HDX: variants seen among roughly 807,000 people sequenced by gnomAD.
HDX encodes the protein highly divergent homeobox.
A neutral mutation model predicts 45.2 loss-of-function variants in HDX; 19 were observed. The observed-to-expected ratio is 0.42, with a 90% CI of 0.29 to 0.62. HDX has a LOEUF of 0.62. Among genes scored for constraint, HDX ranks in the 20% least tolerant of loss-of-function variants. The pLI is 0.20. For synonymous variants in HDX, 188 were observed against 172.8 expected, an observed-to-expected ratio of 1.09 and a Z score of -0.69; for missense variants, 532 against 493.9, an observed-to-expected ratio of 1.08 and a Z score of -0.73.
chrX:84,484,657 T>G (rs5968337), intron 2 of HDX, among the ~76,000 whole-genome samples: 2,947 of 111,925 alleles, frequency 0.026, 71 homozygotes, highest in African/African-American at 0.085. Context: ...CATGTAAGTG[T>G]CTCATTTTCT....
At chrX:84,398,607 A>G (rs1774422177) in intron 5 of HDX, among the ~76,000 whole-genome samples, 1 of 112,024 alleles carries the variant, frequency 8.9e-6, no homozygotes, top group South Asian at 3.7e-4. Context: ...TTAGACTCTC[A>G]CACAATAATA....
chrX:84,377,844 G>C (rs1428755957), intron 5 of HDX, among the ~76,000 whole-genome samples: 2 of 110,913 alleles, frequency 1.8e-5, no homozygotes, highest in Non-Finnish European at 3.8e-5. Context: ...TTATTCAAAG[G>C]GATAATATCA....
chrX:84,365,149 A>G (rs1369307129), intron 5 of HDX, among the ~76,000 whole-genome samples: 1 of 109,860 alleles, frequency 9.1e-6, no homozygotes, highest in African/African-American at 3.3e-5. Flanking sequence ...TGGTAATTCT[A>G]TTTTTAATTT....
At chrX:84,351,040 TATCTATCTATCTATC>T (rs2037341180) in intron 6 of HDX, among the ~76,000 whole-genome samples, 1 of 110,297 alleles carries the variant, frequency 9.1e-6, no homozygotes, top group Non-Finnish European at 1.9e-5. Context: ...TCTATCTATC[TATCTATCTATCTATC>T]ATCTATCTAT....
chrX:84,449,828 A>G (rs1270489289), intron 4 of HDX, among the ~76,000 whole-genome samples: 1 of 111,730 alleles, frequency 9.0e-6, no homozygotes, highest in Non-Finnish European at 1.9e-5. Flanking sequence ...GTAAAAGGAA[A>G]GAACAATCCT....
chrX:84,341,599 A>G (rs1420636544), intron 7 of HDX, among the ~76,000 whole-genome samples: 1 of 110,932 alleles, frequency 9.0e-6, no homozygotes, highest in Non-Finnish European at 1.9e-5. Flanking sequence ...GCTTTTTTAA[A>G]GAATTTCTAA....
At chrX:84,351,969 A>G (rs1268577770) in intron 6 of HDX, among the ~76,000 whole-genome samples, 1 of 112,022 alleles carries the variant, frequency 8.9e-6, no homozygotes, top group African/African-American at 3.2e-5. Flanking sequence ...TTGCCATGTC[A>G]AGAAGGATTC....
intron 10 of HDX, among the ~76,000 whole-genome samples, chrX:84,324,255 T>C (rs1047760184): frequency 9.0e-6 from 1 of 111,352 alleles, no homozygotes; most frequent in African/African-American, 3.3e-5. Flanking sequence ...TCAAGATTAA[T>C]GGAAGAAAAC....
chrX:84,492,611 C>T (rs1910734933), intron 1 of HDX, among the ~76,000 whole-genome samples: 1 of 111,695 alleles, frequency 9.0e-6, no homozygotes, highest in Non-Finnish European at 1.9e-5. Flanking sequence ...TACGCCAAGC[C>T]TATTTTTGTT....
At chrX:84,447,229 T>C (rs1269100401) in intron 4 of HDX, among the ~76,000 whole-genome samples, 4 of 112,011 alleles carry the variant, frequency 3.6e-5, no homozygotes, top group African/African-American at 1.3e-4. Flanking sequence ...TAGAGACATC[T>C]GGTATTCACC....
intron 4 of HDX, among the ~76,000 whole-genome samples, chrX:84,454,028 G>T (rs2040061359): frequency 9.0e-6 from 1 of 111,604 alleles, no homozygotes; most frequent in African/African-American, 3.3e-5. Context: ...TTTATCAGCT[G>T]CTGACTGACG....
chrX:84,429,344 T>C (rs1178771880), intron 5 of HDX, among the ~76,000 whole-genome samples: 1 of 110,939 alleles, frequency 9.0e-6, no homozygotes. Context: ...TTAAAACACT[T>C]TAAATTTTTT....
chrX:84,404,195 C>A (rs1431578452), intron 5 of HDX, among the ~76,000 whole-genome samples: 2 of 111,733 alleles, frequency 1.8e-5, no homozygotes, highest in East Asian at 2.8e-4. Context: ...TGATTCCTGA[C>A]AAGAATTGAT....
chrX:84,486,637 C>T (rs1016227602), intron 2 of HDX, among the ~76,000 whole-genome samples: 11 of 106,254 alleles, frequency 1.0e-4, no homozygotes, highest in African/African-American at 3.7e-4. Context: ...TCGGGGTTGA[C>T]TTTTTTTTTT....
chrX:84,344,926 T>G (rs773652697), intron 6 of HDX, among the ~76,000 whole-genome samples: 1 of 111,232 alleles, frequency 9.0e-6, no homozygotes, highest in Non-Finnish European at 1.9e-5. Flanking sequence ...CACCAAATCT[T>G]TTAAAAGAAA....
chrX:84,490,268 A>G lies in HDX; in HGVS notation c.-109-2136T>C, dbSNP rs921372852. Among the ~76,000 whole-genome samples, 7 of 110,292 alleles carry G rather than the reference A, an allele frequency of 6.3e-5. No homozygotes were observed. The Admixed American group carries it at 6.8e-4, about 11-fold the overall frequency. ...AATTATTTATGCTCTTAGCATTATC[A>G]TTTCCTCTTTATCCTTGTTTTGAGC... On this transcript the variant is annotated intron_variant, in intron 1 of 10. Transcript: ENST00000373177.
chrX:84,488,001 TG>T (rs2040828291), intron 2 of HDX, 22 bp downstream of exon 2: 1 of 111,263 alleles, frequency 9.0e-6, no homozygotes, highest in South Asian at 3.7e-4. Context: ...TCAAGAGAAA[TG>T]GGGGAAAACT....
chrX:84,321,201 G>T lies in HDX; in HGVS notation c.*688C>A, dbSNP rs1457240848. Reference sequence around the variant, plus strand: ...TCAAGACTAATTTTGACAACATTTTGTTTCTGTACACTTCGTAATTTATTT... The same window carrying T: ...TCAAGACTAATTTTGACAACATTTTTTTTCTGTACACTTCGTAATTTATTT... On this transcript the variant is annotated 3_prime_UTR_variant, in exon 11 of 11. Transcript: ENST00000373177. 1 of 110,497 alleles carries T rather than the reference G, an allele frequency of 9.1e-6. No homozygotes were observed. Among genetic ancestry groups the T allele is most frequent in the Non-Finnish European group, 1.9e-5 (1 of 52,357 alleles). 9.1% of individuals were successfully genotyped at this position (110,497 alleles called of 1,213,427 possible).
At chrX:84,436,250 G>A (rs1477670621) in intron 5 of HDX, among the ~76,000 whole-genome samples, 3 of 79,862 alleles carry the variant, frequency 3.8e-5, no homozygotes, top group Non-Finnish European at 7.1e-5. Flanking sequence ...GACACAGGAA[G>A]GGGAATGTCA....
Sources: allele counts gnomAD v4.1 joint callset (sites outside exome capture counted in the v4.1 genomes callset), GRCh38; gene constraint gnomAD v4.1.1; transcripts MANE v1.5; gene names NCBI Gene and HGNC (gene_info 2026-07-23, HGNC 2026-07-21).